CTNNA3: variants seen among roughly 807,000 people sequenced by gnomAD.
CTNNA3 encodes catenin alpha-3.
In CTNNA3, 76 loss-of-function variants were observed where a neutral mutation model predicts 95.7. The observed-to-expected ratio is 0.79, with a 90% CI of 0.66 to 0.96. The LOEUF (loss-of-function observed/expected upper bound fraction) is 0.96. CTNNA3 is among the 40% of genes least tolerant of loss of function. CTNNA3 has a pLI of 0.00. For missense variants in CTNNA3, 1,191 were observed against 1,089.8 expected (o/e 1.09, Z -1.31); for synonymous variants, 431 against 374.4 (o/e 1.15, Z -1.74).
In CTNNA3 at chr10:67,647,448, G is replaced by A. The variant is rs761454862; in HGVS notation, c.66C>T (p.Thr22=). The A allele has an allele frequency of 2.4e-5, 39 of 1,612,938 alleles. No homozygotes were observed. The highest frequency in any genetic ancestry group is 8.9e-5 in the East Asian group (4 of 44,868). ...TGAGAGGCTCCAGTAGCTTCTCCAC[G>A]GTGAATGTTTGGACCTGCAGATCCT... ...DPQDLQVQTF[T]VEKLLEPLII... Residue 22 remains threonine, a synonymous_variant, in exon 2 of 18, where the codon ACC becomes ACT. Coordinates refer to ENST00000433211, the MANE Select transcript of CTNNA3 (RefSeq NM_013266.4).
At chr10:66,725,880 T>C (rs1343674125) in intron 9 of CTNNA3, among the ~76,000 whole-genome samples, 6 of 152,100 alleles carry the variant, frequency 3.9e-5, no homozygotes, top group Non-Finnish European at 8.8e-5. Flanking sequence ...CATAAGACCC[T>C]TGGAAGTTGG....
chr10:66,832,557 G>A (rs557869729), intron 7 of CTNNA3, among the ~76,000 whole-genome samples: 143 of 150,852 alleles, frequency 9.5e-4, no homozygotes, highest in Non-Finnish European at 1.8e-3. Context: ...AGATATACAC[G>A]TTATAATTTT....
chr10:66,729,057 TGTAA>T (rs1048377395), intron 9 of CTNNA3, among the ~76,000 whole-genome samples: 1 of 152,230 alleles, frequency 6.6e-6, no homozygotes, highest in Non-Finnish European at 1.5e-5. Context: ...ATTAGATGGT[TGTAA>T]GTGTGTGGTC....
intron 13 of CTNNA3, among the ~76,000 whole-genome samples, chr10:66,208,972 GTA>G (rs71474030): frequency 0.084 from 12,785 of 151,896 alleles, 636 homozygotes; most frequent in Admixed American, 0.13. Flanking sequence ...AGTAAAATGA[GTA>G]TATATTTTAT....
intron 11 of CTNNA3, among the ~76,000 whole-genome samples, chr10:66,488,573 G>C (rs1433865304): frequency 6.6e-6 from 1 of 152,176 alleles, no homozygotes; most frequent in African/African-American, 2.4e-5. Flanking sequence ...TAGAATGCCA[G>C]TGTGAATTCC....
chr10:66,182,468 G>T (rs1271589689), intron 13 of CTNNA3, among the ~76,000 whole-genome samples: 1 of 151,996 alleles, frequency 6.6e-6, no homozygotes, highest in Admixed American at 6.6e-5. Flanking sequence ...TGTTAGCCAG[G>T]ATGGTCTCGA....
chr10:67,456,145 A>G (rs1847165671), intron 5 of CTNNA3, among the ~76,000 whole-genome samples: 2 of 152,180 alleles, frequency 1.3e-5, no homozygotes, highest in South Asian at 4.1e-4. Context: ...ATGGAAGAGA[A>G]TTAGATCCTA....
At chr10:66,989,050 T>A (rs903105018) in intron 7 of CTNNA3, among the ~76,000 whole-genome samples, 44 of 152,150 alleles carry the variant, frequency 2.9e-4, no homozygotes, top group African/African-American at 1.0e-3. Context: ...TCGTTACCTC[T>A]CATAGCAAGA....
chr10:66,947,418 G>A (rs1386534452), intron 7 of CTNNA3, among the ~76,000 whole-genome samples: 2 of 152,022 alleles, frequency 1.3e-5, no homozygotes, highest in African/African-American at 2.4e-5. Flanking sequence ...TTTTCTTTAT[G>A]AGGGTCCATG....
chr10:66,766,444 T>A, intron 8 of CTNNA3, 28 bp from the exon 9 acceptor site: 1 of 1,576,770 alleles, frequency 6.3e-7, no homozygotes, highest in South Asian at 1.2e-5. Flanking sequence ...ATTCAGGTTT[T>A]TTTTTTCCAG....
intron 15 of CTNNA3, among the ~76,000 whole-genome samples, chr10:66,005,736 T>C (rs1191003922): frequency 6.6e-6 from 1 of 152,194 alleles, no homozygotes; most frequent in Non-Finnish European, 1.5e-5. Flanking sequence ...AGGAAACCTC[T>C]TCTAGGGTAG....
At chr10:67,696,299 T>G (rs142588539), upstream of CTNNA3, 1 of 152,274 alleles carries the variant, frequency 6.6e-6, no homozygotes, top group Non-Finnish European at 1.5e-5. Context: ...GCCAGACACA[T>G]ACTTTGCCTA....
At chr10:67,170,248 G>A (rs1486167180) in intron 7 of CTNNA3, among the ~76,000 whole-genome samples, 2 of 152,110 alleles carry the variant, frequency 1.3e-5, no homozygotes, top group East Asian at 1.9e-4. Context: ...ACTGCCATTC[G>A]ACCCAGTAAT....
chr10:67,159,100 T>C (rs962475941), intron 7 of CTNNA3, among the ~76,000 whole-genome samples: 3 of 152,230 alleles, frequency 2.0e-5, no homozygotes, highest in African/African-American at 4.8e-5. Flanking sequence ...ATCGATGTTA[T>C]TCACAGATTC....
At chr10:66,214,717 G>C (rs948274634) in intron 13 of CTNNA3, among the ~76,000 whole-genome samples, 2 of 152,078 alleles carry the variant, frequency 1.3e-5, no homozygotes, top group African/African-American at 4.8e-5. Context: ...TTCTGGTTTC[G>C]TAAAGGGACA....
Position 67,607,054 on chromosome 10 carries a change from A to C in CTNNA3, c.100-5T>G. ...ACAGTTTACAAGTGTGGTAACCTAA[A>C]ATTGGAAAAATACAAAGTACTAAAT... On this transcript the variant is annotated splice_polypyrimidine_tract_variant and splice_region_variant and intron_variant, in intron 2 of 17. Transcript: ENST00000433211. 6.2e-7 allele frequency: 1 copy of C among 1,604,046 alleles called. No individual in the cohort carries two copies. The highest frequency in any genetic ancestry group is 8.5e-7 in the Non-Finnish European group (1 of 1,174,606).
chr10:66,237,435 G>A (rs7907321), intron 13 of CTNNA3, among the ~76,000 whole-genome samples: 1 of 152,116 alleles, frequency 6.6e-6, no homozygotes, highest in Non-Finnish European at 1.5e-5. Context: ...TTTGTTATTC[G>A]ATCCTCCTTG....
chr10:65,954,044 C>T (rs2077678999), intron 17 of CTNNA3, among the ~76,000 whole-genome samples: 1 of 152,132 alleles, frequency 6.6e-6, no homozygotes, highest in Non-Finnish European at 1.5e-5. Flanking sequence ...CTCTCCAGCA[C>T]CTGTTGTTTC....
At chr10:67,401,106 C>G (rs1451396936) in intron 5 of CTNNA3, among the ~76,000 whole-genome samples, 1 of 151,930 alleles carries the variant, frequency 6.6e-6, no homozygotes, top group East Asian at 1.9e-4. Context: ...TAAAAGTGAC[C>G]CTTTTCCCCT....
Sources: allele counts gnomAD v4.1 joint callset (sites outside exome capture counted in the v4.1 genomes callset), GRCh38; gene constraint gnomAD v4.1.1; transcripts MANE v1.5; gene names NCBI Gene and HGNC (gene_info 2026-07-23, HGNC 2026-07-21).